ZNF804A: variants seen among roughly 807,000 people sequenced by gnomAD.
ZNF804A encodes zinc finger protein 804A.
ZNF804A carries 2 observed loss-of-function variants against 16.5 expected under a neutral mutation model. The ratio of observed to expected loss-of-function variants is 0.12; its 90% CI spans 0.05 to 0.38. The LOEUF is 0.38. ZNF804A is among the 10% of genes least tolerant of loss of function. The pLI is 0.99. For missense variants in ZNF804A, 1,473 were observed against 1,390.7 expected, an observed-to-expected ratio of 1.06 and a Z score of -0.94; for synonymous variants, 534 against 489.6, an observed-to-expected ratio of 1.09 and a Z score of -1.20.
intron 1 of ZNF804A, among the ~76,000 whole-genome samples, chr2:184,829,923 CAAAAACAAAAAA>C (rs1481346655): frequency 0.03 from 1,992 of 66,336 alleles, 47 homozygotes; most frequent in African/African-American, 0.14. Context: ...AAAAAAAAAA[CAAAAACAAAAAA>C]AAAAAAACCA....
rs1215217166 is a variant in ZNF804A at position 184,693,924 on chromosome 2, T to A, written c.111+94854T>A. On this transcript the variant is annotated intron_variant, in intron 1 of 3. Coordinates refer to ENST00000302277, the MANE Select transcript of ZNF804A (RefSeq NM_194250.2). ...AAAAAAAATCGATGATGCAACTAAC[T>A]TAGTCTTTTTTTTTTTTTTTTTTTT... Among the ~76,000 whole-genome samples, 10 of 149,494 alleles carry A rather than the reference T, an allele frequency of 6.7e-5. No individual in the cohort carries two copies. In the East Asian group the frequency reaches 1.9e-3, roughly 29 times the overall value.
In ZNF804A at chr2:184,912,714, C is replaced by T. The variant is rs1685382705; in HGVS notation, c.256-20889C>T. On this transcript the variant is annotated intron_variant, in intron 2 of 3. Transcript: ENST00000302277. ...TTCTCTAATTACTAATGACGTTGCA[C>T]ATCGTTTCACATGCTTACTTACCAT... Among the ~76,000 whole-genome samples, 3 of 152,154 alleles carry T rather than the reference C, an allele frequency of 2.0e-5. No homozygotes were observed. The South Asian group carries it at 6.2e-4, about 32-fold the overall frequency.
At chr2:184,767,541 A>G (rs1469723951) in intron 1 of ZNF804A, among the ~76,000 whole-genome samples, 2 of 152,108 alleles carry the variant, frequency 1.3e-5, no homozygotes, top group East Asian at 1.9e-4. Context: ...TGTATTGAAC[A>G]CTGCTGAACT....
chr2:184,672,348 C>A (rs1003727061), intron 1 of ZNF804A, among the ~76,000 whole-genome samples: 1 of 152,174 alleles, frequency 6.6e-6, no homozygotes, highest in African/African-American at 2.4e-5. Context: ...GAGAGGTCCT[C>A]AGAGAGATGA....
chr2:184,884,547 T>G (rs1472566270), intron 2 of ZNF804A, among the ~76,000 whole-genome samples: 2 of 152,124 alleles, frequency 1.3e-5, no homozygotes, highest in Admixed American at 6.5e-5. Context: ...TACCCCTTTT[T>G]AAACTACACT....
At chr2:184,834,216 T>C (rs1349333779) in intron 1 of ZNF804A, among the ~76,000 whole-genome samples, 1 of 152,094 alleles carries the variant, frequency 6.6e-6, no homozygotes, top group Non-Finnish European at 1.5e-5. Flanking sequence ...TTATGTCAAA[T>C]AATAACTGTT....
intron 2 of ZNF804A, among the ~76,000 whole-genome samples, chr2:184,910,679 G>A (rs978043950): frequency 6.6e-6 from 1 of 151,998 alleles, no homozygotes. Context: ...TGACTGGTAC[G>A]AGATGGTATA....
At chr2:184,625,795 A>G (rs1420490886) in intron 1 of ZNF804A, among the ~76,000 whole-genome samples, 1 of 152,184 alleles carries the variant, frequency 6.6e-6, no homozygotes, top group Admixed American at 6.5e-5. Context: ...TTTGAACACA[A>G]TTTACTATAC....
At chr2:184,685,148 G>C (rs1054938905) in intron 1 of ZNF804A, among the ~76,000 whole-genome samples, 6 of 152,226 alleles carry the variant, frequency 3.9e-5, no homozygotes, top group Non-Finnish European at 7.4e-5. Context: ...GCTGCTATGT[G>C]GGGGCAGGCA....
intron 2 of ZNF804A, among the ~76,000 whole-genome samples, chr2:184,903,583 C>T (rs1685219623): frequency 1.3e-5 from 2 of 152,120 alleles, no homozygotes; most frequent in African/African-American, 4.8e-5. Flanking sequence ...TTAAGGGGCA[C>T]ATGACTGTAG....
At chr2:184,807,885 C>A (rs887873925) in intron 1 of ZNF804A, among the ~76,000 whole-genome samples, 10 of 151,524 alleles carry the variant, frequency 6.6e-5, no homozygotes, top group Non-Finnish European at 7.4e-5. Flanking sequence ...AGAGAAAGGG[C>A]AAGAAATAGA....
intron 1 of ZNF804A, among the ~76,000 whole-genome samples, chr2:184,681,130 C>T (rs1692532150): frequency 6.6e-6 from 1 of 152,108 alleles, no homozygotes. Context: ...GTAGCACAAG[C>T]CTGAATGCAG....
At chr2:184,883,820 C>G (rs1211906143) in intron 2 of ZNF804A, among the ~76,000 whole-genome samples, 1 of 152,016 alleles carries the variant, frequency 6.6e-6, no homozygotes, top group Non-Finnish European at 1.5e-5. Flanking sequence ...TAAGGGCTCT[C>G]TATCAAAAAC....
intron 2 of ZNF804A, among the ~76,000 whole-genome samples, chr2:184,891,079 T>C (rs1231854575): frequency 1.1e-4 from 17 of 152,094 alleles, no homozygotes; most frequent in Admixed American, 1.1e-3. Context: ...TTTCCCACAA[T>C]TAGATCTTGT....
chr2:184,629,022 T>G (rs1278900556), intron 1 of ZNF804A, among the ~76,000 whole-genome samples: 1 of 152,146 alleles, frequency 6.6e-6, no homozygotes, highest in Non-Finnish European at 1.5e-5. Context: ...GACATTCACT[T>G]TTATTGAATA....
intron 1 of ZNF804A, among the ~76,000 whole-genome samples, chr2:184,859,705 G>A (rs1195517856): frequency 6.6e-6 from 1 of 152,172 alleles, no homozygotes; most frequent in African/African-American, 2.4e-5. Context: ...GTATGCATTA[G>A]AAATAGTTTA....
intron 2 of ZNF804A, among the ~76,000 whole-genome samples, chr2:184,933,295 G>A (rs749663908): frequency 3.3e-5 from 5 of 152,016 alleles, no homozygotes; most frequent in Non-Finnish European, 4.4e-5. Context: ...TATAAGGCAC[G>A]AATCCTTCAT....
chr2:184,694,107 CTTT>C (rs77462641), intron 1 of ZNF804A, among the ~76,000 whole-genome samples: 1 of 142,156 alleles, frequency 7.0e-6, no homozygotes, highest in Admixed American at 7.1e-5. Context: ...TTTATTTTTA[CTTT>C]TTTTTTTTTT....
chr2:184,643,724 G>T (rs1691831184), intron 1 of ZNF804A, among the ~76,000 whole-genome samples: 1 of 151,034 alleles, frequency 6.6e-6, no homozygotes, highest in Non-Finnish European at 1.5e-5. Context: ...GTAAACATGT[G>T]CATATAAATT....
Sources: gnomAD v4.1 joint callset for allele counts (sites outside exome capture counted in the v4.1 genomes callset) on GRCh38, gnomAD v4.1.1 for gene constraint, MANE v1.5 for transcripts, NCBI Gene and HGNC (gene_info 2026-07-23, HGNC 2026-07-21) for gene names.